MORF4L1: variants seen among roughly 807,000 people sequenced by gnomAD.
MORF4L1 encodes the protein mortality factor 4-like protein 1.
MORF4L1 carries 4 observed loss-of-function variants against 52.9 expected under a neutral mutation model. The ratio of observed to expected loss-of-function variants is 0.08; its 90% CI spans 0.04 to 0.17. The LOEUF (loss-of-function observed/expected upper bound fraction) is 0.17. Among genes scored for constraint, MORF4L1 ranks in the 10% least tolerant of loss-of-function variants. The pLI, the probability that MORF4L1 is intolerant of heterozygous loss-of-function variation, is 1.00. For synonymous variants in MORF4L1, 123 were observed against 134.8 expected, an observed-to-expected ratio of 0.91 and a Z score of 0.61; for missense variants, 214 against 390.4, an observed-to-expected ratio of 0.55 and a Z score of 3.81.
At chr15:78,874,583 C>CTTTTTTTTTTTTTTTTTTTTTTT (rs56665378) in intron 1 of MORF4L1, among the ~76,000 whole-genome samples, 1 of 112,192 alleles carries the variant, frequency 8.9e-6, no homozygotes, top group African/African-American at 3.4e-5. Context: ...CTTTTTCTTT[C>CTTTTTTTTTTTTTTTTTTTTTTT]TTTTTTTTTT....
intron 4 of MORF4L1, 120 bp from the exon 5 acceptor site, chr15:78,887,149 C>A: frequency 1.3e-6 from 1 of 766,408 alleles, no homozygotes; most frequent in Admixed American, 2.8e-5. Context: ...TATCTCTGTC[C>A]AACTTGTTAA....
intron 8 of MORF4L1, chr15:78,893,032 G>C (rs942930635): frequency 2.0e-5 from 3 of 153,644 alleles, no homozygotes; most frequent in African/African-American, 7.2e-5. Context: ...AAGTTTCTTA[G>C]CCTTTTTGTG....
rs554508121 is a variant in MORF4L1 at position 78,873,226 on chromosome 15, A to G, written c.40+169A>G. 1,945 of 1,512,400 alleles carry G rather than the reference A, an allele frequency of 1.3e-3. 6 individuals carry two copies. Among genetic ancestry groups the G allele is most frequent in the South Asian group, 2.8e-3 (221 of 78,278 alleles). The allele number at this position is 1,512,400 out of a possible 1,614,324, so 93.7% of individuals were successfully genotyped here. A position where few individuals can be genotyped will look rare whatever the true frequency, so the allele number is the denominator to read the frequency against. On this transcript the variant is annotated intron_variant, in intron 1 of 11. Transcript: ENST00000426013. ...TTGCGGATGGCAATTCCGGTGCGTC[A>G]TTGTGAGAAAGCGCTTTGTGAAGCG...
chr15:78,891,145 T>G (rs767946521), intron 6 of MORF4L1, 131 bp downstream of exon 6: 1 of 1,132,706 alleles, frequency 8.8e-7, no homozygotes. Context: ...CTCACAGCAG[T>G]GTTATAAAAT....
chr15:78,879,139 G>GGCTAGA (rs1007731195), intron 2 of MORF4L1, among the ~76,000 whole-genome samples: 4 of 152,132 alleles, frequency 2.6e-5, no homozygotes, highest in African/African-American at 9.7e-5. Flanking sequence ...AGAAGGCTGA[G>GGCTAGA]GCTAGAGGAT....
At position 78,897,155 on chromosome 15, in the gene MORF4L1, A is replaced by G; in HGVS notation, c.*88A>G. 5 of 1,018,770 alleles carry G rather than the reference A, an allele frequency of 4.9e-6. No homozygotes were observed. The highest frequency in any genetic ancestry group is 7.5e-6 in the Non-Finnish European group (5 of 667,382). 63.1% of individuals were successfully genotyped at this position (1,018,770 alleles called of 1,614,324 possible). A position where few individuals can be genotyped will look rare whatever the true frequency, so the allele number is the denominator to read the frequency against. ...CTTGTACAAACGATGTGCTTTGAAG[A>G]TGTTAGTGTATAACAATTGATGTTT... On this transcript the variant is annotated 3_prime_UTR_variant, in exon 12 of 12. Coordinates refer to ENST00000426013, the MANE Select transcript of MORF4L1 (RefSeq NM_006791.4).
At chr15:78,874,949 C>A (rs925944606) in intron 1 of MORF4L1, among the ~76,000 whole-genome samples, 2 of 151,882 alleles carry the variant, frequency 1.3e-5, no homozygotes, top group East Asian at 1.9e-4. Context: ...CCGAAAAAAA[C>A]CACCACATTA....
At chr15:78,882,572 A>T (rs57421385) in intron 3 of MORF4L1, among the ~76,000 whole-genome samples, 1 of 152,166 alleles carries the variant, frequency 6.6e-6, no homozygotes, top group African/African-American at 2.4e-5. Flanking sequence ...CTGCATTTCA[A>T]TCTTTATTAG....
chr15:78,874,059 T>A (rs754817714), intron 1 of MORF4L1: 1 of 152,234 alleles, frequency 6.6e-6, no homozygotes, highest in Admixed American at 6.5e-5. Flanking sequence ...AAGGTTAGAC[T>A]GACTCCCAGT....
intron 3 of MORF4L1, among the ~76,000 whole-genome samples, chr15:78,885,600 GT>G (rs1344428242): frequency 2.0e-5 from 3 of 152,160 alleles, no homozygotes; most frequent in African/African-American, 7.2e-5. Context: ...TTCCTAATAT[GT>G]TTCTGACATA....
rs1039313797 is a variant in MORF4L1, at chr15:78,894,181, T to C, written c.753T>C (p.Asp251=). The C allele has an allele frequency of 1.4e-5, 23 of 1,613,934 alleles. No individual in the cohort carries two copies. Among genetic ancestry groups the C allele is most frequent in the African/African-American group, 5.3e-5 (4 of 74,922 alleles). ...QYAEILADHP[D]APMSQVYGAP... is the part of the protein sequence containing the mutation. ...CTGAAATTCTTGCAGATCATCCCGA[T>C]GCACCCATGTCCCAGGTGTATGGAG... The change falls in exon 10 of 12, where the codon GAT becomes GAC. Residue 251 remains aspartate, a synonymous_variant. Transcript: ENST00000426013.
At chr15:78,880,237 C>G (rs891151160) in intron 2 of MORF4L1, among the ~76,000 whole-genome samples, 2 of 152,228 alleles carry the variant, frequency 1.3e-5, no homozygotes, top group African/African-American at 4.8e-5. Context: ...TGAGAAGACA[C>G]AAGCATAGCT....
chr15:78,885,654 A>G (rs1156585764), intron 3 of MORF4L1, among the ~76,000 whole-genome samples: 1 of 152,208 alleles, frequency 6.6e-6, no homozygotes. Flanking sequence ...GGTGTTTTAC[A>G]TGTATTCTCA....
intron 2 of MORF4L1, among the ~76,000 whole-genome samples, chr15:78,878,877 G>A (rs1443289061): frequency 1.3e-5 from 2 of 152,012 alleles, no homozygotes; most frequent in Non-Finnish European, 1.5e-5. Context: ...TTAAACAGTC[G>A]TAGCTCCAAA....
chr15:78,889,491 A>G (rs1418715548), intron 5 of MORF4L1, among the ~76,000 whole-genome samples: 1 of 152,194 alleles, frequency 6.6e-6, no homozygotes. Flanking sequence ...TGCTGAACTC[A>G]TCTATATTTT....
Position 78,892,125 on chromosome 15 carries a change from C to T in MORF4L1, c.439-87C>T, listed in dbSNP as rs1172239627. ...TGCTTGGCTACTTTAAGATTTATCC[C>T]TAGTGCCTCTAAAAGTCAGCTCCCC... On this transcript the variant is annotated intron_variant, in intron 7 of 11. Coordinates refer to ENST00000426013, the MANE Select transcript of MORF4L1 (RefSeq NM_006791.4). 3 of 820,068 alleles carry T rather than the reference C, an allele frequency of 3.7e-6. No individual in the cohort carries two copies. In the East Asian group the frequency reaches 7.6e-5, roughly 21 times the overall value. The allele number at this position is 820,068 out of a possible 1,614,324, so 50.8% of individuals were successfully genotyped here.
At chr15:78,891,819 T>C in intron 7 of MORF4L1, 1 of 468,190 alleles carries the variant, frequency 2.1e-6, no homozygotes, top group Non-Finnish European at 3.8e-6. Context: ...GACTATTTCT[T>C]TGGTGTTACG....
At chr15:78,877,189 T>C (rs1292159286) in intron 1 of MORF4L1, among the ~76,000 whole-genome samples, 1 of 145,408 alleles carries the variant, frequency 6.9e-6, no homozygotes, top group African/African-American at 2.6e-5. Context: ...GACAAGATCT[T>C]AGCTCACTGC....
chr15:78,889,096 G>A lies in MORF4L1; in HGVS notation c.323+1747G>A, dbSNP rs186101379. ...CATAAGTTATTTGCATTTGAATACA[G>A]CATTGTGCAGTCTCCACTACAAAAA... is the stretch of plus-strand genomic sequence containing the variant. On this transcript the variant is annotated intron_variant, in intron 5 of 11. Transcript: ENST00000426013. Among the ~76,000 whole-genome samples, 14 of 152,276 alleles carry A rather than the reference G, an allele frequency of 9.2e-5. No homozygotes were observed. The East Asian group carries it at 2.5e-3, about 27-fold the overall frequency.
Sources: allele counts gnomAD v4.1 joint callset (sites outside exome capture counted in the v4.1 genomes callset), GRCh38; gene constraint gnomAD v4.1.1; transcripts MANE v1.5; gene names NCBI Gene and HGNC (gene_info 2026-07-23, HGNC 2026-07-21).